PTPN1: variants seen among roughly 807,000 people sequenced by gnomAD.
The protein encoded by PTPN1 is protein tyrosine phosphatase non-receptor type 1.
In PTPN1, 12 loss-of-function variants were observed where a neutral mutation model predicts 59.9. The observed-to-expected ratio is 0.20, with a 90% CI of 0.13 to 0.32. The LOEUF (loss-of-function observed/expected upper bound fraction) is 0.32, where lower values mean the gene tolerates loss of function less well. Ranked by LOEUF, PTPN1 falls within the 10% of genes least tolerant of loss-of-function variation. The probability of loss-of-function intolerance (pLI) is 1.00; values close to 1 mark genes in which losing one functional copy is unlikely to be tolerated. For synonymous variants in PTPN1, 178 were observed against 203.6 expected (o/e 0.87, Z 1.07); for missense variants, 356 against 549.2 (o/e 0.65, Z 3.52).
chr20:50,582,634 G>C lies in PTPN1; in HGVS notation c.1285-58G>C. The C allele has an allele frequency of 1.3e-6, 2 of 1,596,690 alleles. No homozygotes were observed. Among genetic ancestry groups the C allele is most frequent in the Non-Finnish European group, 1.7e-6 (2 of 1,168,700 alleles). On this transcript the variant is annotated intron_variant, in intron 9 of 9. Transcript: ENST00000371621. The surrounding 1 kb of genome is among the most constrained non-coding windows in gnomAD (Gnocchi z 4.2). ...GGGGTGTGGCCGGGGTCATGCATGA[G>C]GCGACAGCTCTGCAGGTGCGGGTCT...
At chr20:50,557,313 C>G (rs749351643) in intron 1 of PTPN1, among the ~76,000 whole-genome samples, 10 of 152,276 alleles carry the variant, frequency 6.6e-5, no homozygotes, top group Non-Finnish European at 1.0e-4. Context: ...TCACTGTAGC[C>G]TCGAACTCCT....
rs574106093 is a variant in PTPN1 at position 50,584,553 on chromosome 20, T to C, written c.*1838T>C. The C allele has an allele frequency of 1.3e-4, 13 of 99,262 alleles. No homozygotes were observed. Among genetic ancestry groups the C allele is most frequent in the Non-Finnish European group, 2.5e-4 (13 of 51,974 alleles). 6.1% of individuals were successfully genotyped at this position (99,262 alleles called of 1,614,324 possible). A position where few individuals can be genotyped will look rare whatever the true frequency, so the allele number is the denominator to read the frequency against. ...ATGGAATAAACCATTTTTACAAAAATAAAAACAAAAAAAGCAAGGTGTTTT... is the reference window on the plus strand; with the variant it reads ...ATGGAATAAACCATTTTTACAAAAACAAAAACAAAAAAAGCAAGGTGTTTT... On this transcript the variant is annotated 3_prime_UTR_variant, in exon 10 of 10. Transcript: ENST00000371621.
Position 50,584,433 on chromosome 20 carries a change from C to A in PTPN1, c.*1718C>A, listed in dbSNP as rs2082887375. 1 of 152,652 alleles carries A rather than the reference C, an allele frequency of 6.6e-6. No individual in the cohort carries two copies. Among genetic ancestry groups the A allele is most frequent in the Non-Finnish European group, 1.5e-5 (1 of 68,054 alleles). 9.5% of individuals were successfully genotyped at this position (152,652 alleles called of 1,614,324 possible). ...TCCTTGGAGAGCAGCTGGCTCTCCA[C>A]CTTGTTACACATTATGTTAGAGAGG... On this transcript the variant is annotated 3_prime_UTR_variant, in exon 10 of 10. Transcript: ENST00000371621.
In PTPN1 at chr20:50,512,861, G is replaced by GA. The variant is rs1460989031; in HGVS notation, c.63+2275dup. On this transcript the variant is annotated intron_variant, in intron 1 of 9. Coordinates refer to ENST00000371621, the MANE Select transcript of PTPN1 (RefSeq NM_002827.4). ...TCAAAGAATGTGTTTACAATTGATA[G>GA]AAAATGGAAGTTTAAAAAAATTAAT... is the stretch of plus-strand genomic sequence containing the variant. Among the ~76,000 whole-genome samples, 4 of 152,290 alleles carry GA rather than the reference G, an allele frequency of 2.6e-5. No individual in the cohort carries two copies. The East Asian group carries it at 7.7e-4, about 29-fold the overall frequency.
intron 1 of PTPN1, among the ~76,000 whole-genome samples, chr20:50,527,380 G>A (rs1328830322): frequency 6.6e-6 from 1 of 151,412 alleles, no homozygotes; most frequent in African/African-American, 2.4e-5. Flanking sequence ...GTCTTGCTCT[G>A]TCACCCAGGC....
Position 50,568,247 on chromosome 20 carries a change from C to T in PTPN1, c.256-133C>T. 1 of 723,472 alleles carries T rather than the reference C, an allele frequency of 1.4e-6. No homozygotes were observed. The highest frequency in any genetic ancestry group is 2.5e-6 in the Non-Finnish European group (1 of 407,610). The allele number at this position is 723,472 out of a possible 1,614,324, so 44.8% of individuals were successfully genotyped here. A position where few individuals can be genotyped will look rare whatever the true frequency, so the allele number is the denominator to read the frequency against. On this transcript the variant is annotated intron_variant, in intron 3 of 9. Coordinates refer to ENST00000371621, the MANE Select transcript of PTPN1 (RefSeq NM_002827.4). This position sits in a 1 kb window ranked among gnomAD's most constrained non-coding sequence, Gnocchi z 5.6. ...CAGGCAGAGAGAGGTGGGTCCCTGT[C>T]CCAGCCTCAGCCACCACTCTGCCTA... is the stretch of plus-strand genomic sequence containing the variant.
chr20:50,536,572 G>T (rs2082624879), intron 1 of PTPN1, among the ~76,000 whole-genome samples: 1 of 152,258 alleles, frequency 6.6e-6, no homozygotes, highest in Non-Finnish European at 1.5e-5. Context: ...CAATTCTAAA[G>T]AACACAGGGA....
intron 1 of PTPN1, among the ~76,000 whole-genome samples, chr20:50,517,848 G>C (rs971463613): frequency 2.0e-5 from 3 of 152,150 alleles, no homozygotes; most frequent in Non-Finnish European, 4.4e-5. Flanking sequence ...GTCCCAAGTA[G>C]GCTTGTGTCC....
At chr20:50,524,078 G>A (rs1289857446) in intron 1 of PTPN1, among the ~76,000 whole-genome samples, 4 of 152,012 alleles carry the variant, frequency 2.6e-5, no homozygotes, top group Admixed American at 2.6e-4. Flanking sequence ...TCCTTTTCAT[G>A]TTTCCTCTGC....
At chr20:50,562,442 TG>T (rs1228662688) in intron 2 of PTPN1, among the ~76,000 whole-genome samples, 9 of 151,968 alleles carry the variant, frequency 5.9e-5, no homozygotes, top group African/African-American at 2.2e-4. Flanking sequence ...CCTGCCACCA[TG>T]GTTCCCTGCC....
intron 1 of PTPN1, among the ~76,000 whole-genome samples, chr20:50,550,822 G>A (rs1169747664): frequency 6.6e-6 from 1 of 152,206 alleles, no homozygotes; most frequent in Non-Finnish European, 1.5e-5. Flanking sequence ...TCACTTAGCA[G>A]ATAGCTTTAA....
At chr20:50,581,751 C>T (rs563464845) in intron 9 of PTPN1, among the ~76,000 whole-genome samples, 1 of 146,094 alleles carries the variant, frequency 6.8e-6, no homozygotes, top group African/African-American at 2.5e-5. Flanking sequence ...TTCTCTCTCT[C>T]TTTTTTTTTT....
intron 4 of PTPN1, 78 bp from the exon 5 acceptor site, chr20:50,574,439 T>C (rs770109999): frequency 7.2e-5 from 99 of 1,384,450 alleles, no homozygotes; most frequent in Non-Finnish European, 9.4e-5. Flanking sequence ...ATGAAGCTTG[T>C]GGGATGTGCT....
At chr20:50,522,370 A>G (rs2082555177) in intron 1 of PTPN1, among the ~76,000 whole-genome samples, 1 of 152,210 alleles carries the variant, frequency 6.6e-6, no homozygotes, top group Non-Finnish European at 1.5e-5. Flanking sequence ...ATATGCTTGC[A>G]CTGAGACGGC....
At chr20:50,578,138 G>A in intron 5 of PTPN1, 1 of 384,794 alleles carries the variant, frequency 2.6e-6, no homozygotes, top group Non-Finnish European at 4.9e-6. Flanking sequence ...TTGTAACCAT[G>A]TAGACAGTGG....
chr20:50,533,701 G>A (rs2082611431), intron 1 of PTPN1, among the ~76,000 whole-genome samples: 2 of 148,654 alleles, frequency 1.3e-5, no homozygotes, highest in South Asian at 2.1e-4. Context: ...CCCCCCCCCA[G>A]AAAGGAAGAT....
intron 6 of PTPN1, 38 bp downstream of exon 6, chr20:50,578,667 T>G: frequency 6.5e-7 from 1 of 1,544,124 alleles, no homozygotes; most frequent in Non-Finnish European, 8.9e-7. Flanking sequence ...GGAGCTCCTC[T>G]ACCTGCTCTG....
chr20:50,568,454 C>T lies in PTPN1; in HGVS notation c.330C>T (p.Leu110=), dbSNP rs1161795779. 1.2e-6 allele frequency: 2 copies of T among 1,614,086 alleles called. No homozygotes were observed. The highest frequency in any genetic ancestry group is 1.7e-6 in the Non-Finnish European group (2 of 1,179,974). ...WEQKSRGVVM[L]NRVMEKGSLK... ...AGAAAAGCAGGGGTGTCGTCATGCTCAACAGAGTGATGGAGAAAGGTTCGG... is the reference window on the plus strand; with the variant it reads ...AGAAAAGCAGGGGTGTCGTCATGCTTAACAGAGTGATGGAGAAAGGTTCGG... Residue 110 remains leucine (L), a synonymous_variant, in exon 4 of 10, where the codon CTC becomes CTT. Coordinates refer to ENST00000371621, the MANE Select transcript of PTPN1 (RefSeq NM_002827.4). This position sits in a 1 kb window ranked among gnomAD's most constrained non-coding sequence, Gnocchi z 5.6.
At chr20:50,525,430 T>A (rs1332479260) in intron 1 of PTPN1, among the ~76,000 whole-genome samples, 2 of 152,260 alleles carry the variant, frequency 1.3e-5, no homozygotes, top group African/African-American at 4.8e-5. Context: ...GCTCCCCGTT[T>A]ACCATTCACA....
Sources: allele counts gnomAD v4.1 joint callset (sites outside exome capture counted in the v4.1 genomes callset), GRCh38; gene constraint gnomAD v4.1.1; non-coding constraint Gnocchi (gnomAD v3.1); transcripts MANE v1.5; gene names NCBI Gene and HGNC (gene_info 2026-07-23, HGNC 2026-07-21).